The following DPP10 variants were observed in gnomAD, a reference collection of about 807,000 sequenced individuals.
DPP10 encodes dipeptidyl peptidase like 10.
DPP10 carries 33 observed loss-of-function variants against 120.9 expected under a neutral mutation model. The ratio of observed to expected loss-of-function variants is 0.27; its 90% CI spans 0.21 to 0.37. The LOEUF (loss-of-function observed/expected upper bound fraction) is 0.37. Ranked by LOEUF, DPP10 falls within the 10% of genes least tolerant of loss-of-function variation. The probability of loss-of-function intolerance (pLI) is 1.00; values close to 1 mark genes in which losing one functional copy is unlikely to be tolerated. For synonymous variants in DPP10, 337 were observed against 326.1 expected (o/e 1.03, Z -0.36); for missense variants, 816 against 942.8 (o/e 0.87, Z 1.76).
At chr2:114,634,565 G>C (rs752173357) in intron 1 of DPP10, among the ~76,000 whole-genome samples, 2 of 151,842 alleles carry the variant, frequency 1.3e-5, no homozygotes, top group Non-Finnish European at 2.9e-5. Flanking sequence ...GGGAAGACAG[G>C]CTTTGAAATT....
intron 1 of DPP10, among the ~76,000 whole-genome samples, chr2:114,941,996 G>A (rs907092195): frequency 7.9e-5 from 12 of 151,912 alleles, no homozygotes; most frequent in South Asian, 6.2e-4. Flanking sequence ...TATGTTGGCC[G>A]GGTGCGGTGG....
At chr2:115,330,078 T>G (rs1047333123) in intron 2 of DPP10, among the ~76,000 whole-genome samples, 34 of 152,096 alleles carry the variant, frequency 2.2e-4, no homozygotes, top group Non-Finnish European at 4.0e-4. Flanking sequence ...TTCCTATTTC[T>G]CCACATCCTC....
At chr2:115,436,527 C>T (rs1350138918) in intron 3 of DPP10, among the ~76,000 whole-genome samples, 1 of 151,474 alleles carries the variant, frequency 6.6e-6, no homozygotes, top group Non-Finnish European at 1.5e-5. Flanking sequence ...TAGAAAGTAC[C>T]TGATTTTTGT....
intron 5 of DPP10, among the ~76,000 whole-genome samples, chr2:115,600,474 A>G (rs1237500891): frequency 6.6e-6 from 1 of 152,228 alleles, no homozygotes; most frequent in African/African-American, 2.4e-5. Flanking sequence ...TTATTTACAT[A>G]TCAACTTAAT....
At chr2:115,049,695 A>G (rs1705322315) in intron 1 of DPP10, among the ~76,000 whole-genome samples, 2 of 152,320 alleles carry the variant, frequency 1.3e-5, no homozygotes, top group South Asian at 4.1e-4. Context: ...CTATATTCCA[A>G]ATAGTTCATG....
intron 1 of DPP10, among the ~76,000 whole-genome samples, chr2:114,606,759 C>T (rs138489885): frequency 4.6e-5 from 7 of 152,256 alleles, no homozygotes; most frequent in Admixed American, 6.5e-5. Flanking sequence ...TAAATTTTGT[C>T]GCATTTCAGC....
rs530009740 is a variant in DPP10, at chr2:115,372,040, A to G, written c.271+28128A>G. On this transcript the variant is annotated intron_variant, in intron 3 of 25. Transcript: ENST00000410059. ...TCTCCTAATGATGGTTTTCTATGTA[A>G]TGTAACAAGTCTTAAAGTTTTCTTA... Among the ~76,000 whole-genome samples, 280 of 152,288 alleles carry G rather than the reference A, an allele frequency of 1.8e-3. 1 individual carries two copies. The highest frequency in any genetic ancestry group is 6.4e-3 in the African/African-American group (265 of 41,584).
At chr2:114,499,525 C>T (rs937114698) in intron 1 of DPP10, among the ~76,000 whole-genome samples, 7 of 152,008 alleles carry the variant, frequency 4.6e-5, no homozygotes, top group South Asian at 2.1e-4. Context: ...TGTTTTGGGA[C>T]TGCGCCATCT....
intron 1 of DPP10, among the ~76,000 whole-genome samples, chr2:114,445,411 A>G (rs1275135459): frequency 6.6e-6 from 1 of 152,156 alleles, no homozygotes; most frequent in Non-Finnish European, 1.5e-5. Context: ...GTAAATGCTG[A>G]CTGTTTCTTC....
At chr2:115,442,548 G>A (rs752694373) in intron 3 of DPP10, among the ~76,000 whole-genome samples, 3 of 152,074 alleles carry the variant, frequency 2.0e-5, no homozygotes, top group South Asian at 2.1e-4. Flanking sequence ...TCAAAATAGT[G>A]CTTTCTGAAG....
At chr2:115,446,059 C>A (rs1490047316) in intron 3 of DPP10, among the ~76,000 whole-genome samples, 1 of 152,152 alleles carries the variant, frequency 6.6e-6, no homozygotes, top group Non-Finnish European at 1.5e-5. Flanking sequence ...TGTCCTGTAG[C>A]CCAGCTGCTC....
intron 21 of DPP10, among the ~76,000 whole-genome samples, chr2:115,832,285 T>C (rs1204947867): frequency 6.6e-6 from 1 of 152,150 alleles, no homozygotes; most frequent in Non-Finnish European, 1.5e-5. Context: ...GCCTAGGAGT[T>C]CAAGACCAGC....
intron 10 of DPP10, 60 bp from the exon 11 acceptor site, chr2:115,753,114 G>C: frequency 1.3e-6 from 2 of 1,503,432 alleles, no homozygotes; most frequent in Non-Finnish European, 1.8e-6. Context: ...AATGTATATT[G>C]TTGGTACTAT....
intron 7 of DPP10, among the ~76,000 whole-genome samples, chr2:115,700,178 C>T (rs1279224982): frequency 6.6e-6 from 1 of 152,144 alleles, no homozygotes; most frequent in Admixed American, 6.6e-5. Context: ...TGGTACTAAA[C>T]CATTCATGAG....
At chr2:114,687,169 T>C (rs1026733068) in intron 1 of DPP10, among the ~76,000 whole-genome samples, 23 of 151,944 alleles carry the variant, frequency 1.5e-4, no homozygotes, top group African/African-American at 5.3e-4. Flanking sequence ...GGAGCAGACA[T>C]TGGTTGGCTT....
At chr2:114,510,132 C>T (rs1261636806) in intron 1 of DPP10, among the ~76,000 whole-genome samples, 7 of 152,216 alleles carry the variant, frequency 4.6e-5, no homozygotes, top group African/African-American at 1.7e-4. Flanking sequence ...AGTGATTCCC[C>T]TGCCTGGTGG....
At chr2:115,116,402 T>C (rs904753830) in intron 1 of DPP10, among the ~76,000 whole-genome samples, 3 of 152,190 alleles carry the variant, frequency 2.0e-5, no homozygotes, top group African/African-American at 7.2e-5. Flanking sequence ...TCATCTATCA[T>C]CTTTATTTAT....
chr2:115,159,561 C>T (rs1302202942), intron 1 of DPP10, among the ~76,000 whole-genome samples: 12 of 151,910 alleles, frequency 7.9e-5, no homozygotes, highest in Admixed American at 5.9e-4. Context: ...AAAATAAAAA[C>T]AGTGTTTAAA....
intron 4 of DPP10, 44 bp downstream of exon 4, chr2:115,499,648 T>C (rs758196072): frequency 4.5e-5 from 65 of 1,447,910 alleles, no homozygotes; most frequent in Non-Finnish European, 6.2e-5. Flanking sequence ...TCAGTACTGT[T>C]TAGAAAGCTC....
Sources: gnomAD v4.1 joint callset for allele counts (sites outside exome capture counted in the v4.1 genomes callset) on GRCh38, gnomAD v4.1.1 for gene constraint, MANE v1.5 for transcripts, NCBI Gene and HGNC (gene_info 2026-07-23, HGNC 2026-07-21) for gene names.